Variants in SMG1 observed in about 807,000 individuals in gnomAD.
The protein encoded by SMG1 is SMG1 nonsense mediated mRNA decay associated PI3K related kinase, also known as serine/threonine-protein kinase SMG1.
In SMG1, 22 loss-of-function variants were observed where a neutral mutation model predicts 419.9. The ratio of observed to expected loss-of-function variants is 0.05; its 90% confidence interval spans 0.04 to 0.07. The LOEUF is 0.07. SMG1 is among the 10% of genes least tolerant of loss of function. The pLI is 1.00. For synonymous variants in SMG1, 1,538 were observed against 1,553.5 expected (o/e 0.99, Z 0.23); for missense variants, 3,185 against 4,342.0 (o/e 0.73, Z 7.49).
At position 18,866,641 on chromosome 16, in the gene SMG1, C is replaced by G. The variant is rs765540525; in HGVS notation, c.3330G>C (p.Val1110=). Residue 1110 remains valine (V), a synonymous_variant, in exon 23 of 63, where the codon GTG becomes GTC. Transcript: ENST00000446231. ...CCTACCTCCCTTCAGCCTGTTGAGC[C>G]ACTGAGTTAATCCACAGAAGATTTT... ...VGKNLLWINS[V]AQQAEGRFEK... 6.3e-7 allele frequency: 1 copy of G among 1,593,574 alleles called. No homozygotes were observed. Among genetic ancestry groups the G allele is most frequent in the Admixed American group, 1.7e-5 (1 of 59,996 alleles).
chr16:18,859,252 A>T, intron 27 of SMG1, 71 bp from the exon 28 acceptor site: 1 of 1,204,690 alleles, frequency 8.3e-7, no homozygotes, highest in South Asian at 1.4e-5. Flanking sequence ...AAAGCAATTG[A>T]TAAGATGCTA....
intron 33 of SMG1, 99 bp downstream of exon 33, chr16:18,851,967 GT>G (rs2034628538): frequency 8.2e-7 from 1 of 1,223,912 alleles, no homozygotes; most frequent in Non-Finnish European, 1.1e-6. Context: ...ACAACAATTG[GT>G]AAGCCCCATT....
chr16:18,848,993 C>G (rs2034428015), intron 36 of SMG1, among the ~76,000 whole-genome samples: 1 of 136,924 alleles, frequency 7.3e-6, no homozygotes, highest in African/African-American at 2.8e-5. Flanking sequence ...CTGCTTAAAC[C>G]TGGGAGGCAG....
chr16:18,856,955 T>C (rs2034949421), intron 29 of SMG1: 1 of 152,044 alleles, frequency 6.6e-6, no homozygotes, highest in African/African-American at 2.4e-5. Flanking sequence ...GACTTTTATA[T>C]ACCTTGTCTC....
chr16:18,873,324 T>G (rs2035926403), intron 13 of SMG1, among the ~76,000 whole-genome samples: 2 of 152,090 alleles, frequency 1.3e-5, no homozygotes, highest in African/African-American at 4.8e-5. Flanking sequence ...GTTCAAGCAA[T>G]TCTCCCTGCC....
At chr16:18,912,746 T>C (rs1288840219) in intron 1 of SMG1, among the ~76,000 whole-genome samples, 3 of 152,134 alleles carry the variant, frequency 2.0e-5, no homozygotes, top group Admixed American at 2.0e-4. Flanking sequence ...CCTATCAATA[T>C]TTCAAATAAT....
At chr16:18,875,426 A>G (rs542801750) in intron 13 of SMG1, 24 of 152,554 alleles carry the variant, frequency 1.6e-4, no homozygotes, top group African/African-American at 5.3e-4. Flanking sequence ...ACCCATCTCT[A>G]CTAAATACAA....
chr16:18,832,944 C>A lies in SMG1; in HGVS notation c.8788G>T (p.Ala2930Ser), dbSNP rs1297095632. The change falls in exon 51 of 63, where the codon GCC becomes TCC. Residue 2930 changes from alanine (A) to serine (S), a missense_variant. Physicochemically the swap from Ala to Ser is moderately conservative, Grantham distance 99. Coordinates refer to ENST00000446231, the MANE Select transcript of SMG1 (RefSeq NM_015092.5). The stretch of plus-strand genomic sequence containing the variant: ...GCACAGCCAGCATTCACTTGCCTGG[C>A]AACATCGATGTAATGAGCATGTGTT... ...EETHAHYIDV[A>S]RLLHAQYGEL... 6.2e-7 allele frequency: 1 copy of A among 1,613,702 alleles called. No individual in the cohort carries two copies. The highest frequency in any genetic ancestry group is 8.5e-7 in the Non-Finnish European group (1 of 1,179,660).
chr16:18,836,018 T>C lies in SMG1; in HGVS notation c.7972A>G (p.Lys2658Glu). 1 of 1,571,766 alleles carries C rather than the reference T, an allele frequency of 6.4e-7. No homozygotes were observed. Among genetic ancestry groups the C allele is most frequent in the South Asian group, 1.2e-5 (1 of 85,430 alleles). Residue 2658 changes from lysine to glutamate, a missense_variant, in exon 48 of 63, where the codon AAA (lysine) becomes GAA (glutamate). Around this residue, in one of 27 missense-constraint regions of SMG1, gnomAD observed 412 missense variants for 546.6 expected, o/e 0.75. Transcript: ENST00000446231. ...GTCTTCCACTGTTCAATTCGATGTT[T>C]CTGAAATATGGCCTTCGGATACTGC... ...ALQYPKAIFQKHRIEQWKTWM... is the reference protein window; with the variant it reads ...ALQYPKAIFQEHRIEQWKTWM...
At chr16:18,909,559 C>T (rs8044494) in intron 1 of SMG1, among the ~76,000 whole-genome samples, 74,719 of 151,662 alleles carry the variant, frequency 0.49, 18,786 homozygotes, top group Middle Eastern at 0.59. Context: ...CCACACAACA[C>T]AGCAAGACCT....
Position 18,850,517 on chromosome 16 carries a change from G to T in SMG1, c.5053-50C>A, listed in dbSNP as rs576103486. Reference sequence around the variant, plus strand: ...GCTATTTTAAATACAAACTGAAAAGGGAAAAAGGTATGTAATTTGACTATC... The same window carrying T: ...GCTATTTTAAATACAAACTGAAAAGTGAAAAAGGTATGTAATTTGACTATC... On this transcript the variant is annotated intron_variant, in intron 33 of 62. Transcript: ENST00000446231. 1.0e-5 allele frequency: 13 copies of T among 1,291,886 alleles called. No individual in the cohort carries two copies. The South Asian group carries it at 1.3e-4, about 13-fold the overall frequency. The allele number at this position is 1,291,886 out of a possible 1,614,324, so 80.0% of individuals were successfully genotyped here. A position where few individuals can be genotyped will look rare whatever the true frequency, so the allele number is the denominator to read the frequency against.
At position 18,887,944 on chromosome 16, in the gene SMG1, T is replaced by C. The variant is rs566521948; in HGVS notation, c.822+1428A>G. ...ACTTTGGGAGGCCGAGGCAGGAGGA[T>C]CACTTGAGGTCAGGAGTTCAAGACC... is the stretch of plus-strand genomic sequence containing the variant. On this transcript the variant is annotated intron_variant, in intron 6 of 62. Transcript: ENST00000446231. Among the ~76,000 whole-genome samples the C allele has an allele frequency of 7.3e-5, 11 of 151,334 alleles. No individual in the cohort carries two copies. The South Asian group carries it at 2.3e-3, about 32-fold the overall frequency.
At chr16:18,869,532 G>T (rs891603805) in intron 19 of SMG1, among the ~76,000 whole-genome samples, 1 of 152,060 alleles carries the variant, frequency 6.6e-6, no homozygotes, top group Non-Finnish European at 1.5e-5. Flanking sequence ...GCTTATGCCA[G>T]TCAGGAATGA....
intron 15 of SMG1, 98 bp from the exon 16 acceptor site, chr16:18,871,580 TTCAAACATC>T: frequency 2.0e-6 from 1 of 489,748 alleles, no homozygotes; most frequent in Non-Finnish European, 3.6e-6. Flanking sequence ...CTCTTGGTTT[TTCAAACATC>T]TCAAACAATA....
chr16:18,906,443 A>C (rs1302165508), intron 1 of SMG1, among the ~76,000 whole-genome samples: 1 of 152,032 alleles, frequency 6.6e-6, no homozygotes, highest in Non-Finnish European at 1.5e-5. Flanking sequence ...AGACTGCACC[A>C]CTGCAATCCA....
rs1231749788 is a variant in SMG1, at chr16:18,836,027, T to C, written c.7963A>G (p.Ile2655Val). ...ATVALQYPKAIFQKHRIEQWK... is the reference protein window; with the variant it reads ...ATVALQYPKAVFQKHRIEQWK... ...TGTTCAATTCGATGTTTCTGAAATATGGCCTTCGGATACTGCAGGGCCACG... is the reference window on the plus strand; with the variant it reads ...TGTTCAATTCGATGTTTCTGAAATACGGCCTTCGGATACTGCAGGGCCACG... Residue 2655 changes from isoleucine (I) to valine (V), a missense_variant, in exon 48 of 63, where the codon ATA becomes GTA. Ile to Val is a conservative substitution (Grantham distance 29). This residue lies in a region of SMG1 where 412 missense variants were observed against 546.6 expected (regional missense o/e 0.75). Coordinates refer to ENST00000446231, the MANE Select transcript of SMG1 (RefSeq NM_015092.5). The C allele has an allele frequency of 2.5e-6, 4 of 1,579,688 alleles. No homozygotes were observed. The highest frequency in any genetic ancestry group is 2.3e-5 in the South Asian group (2 of 86,162).
intron 28 of SMG1, 48 bp downstream of exon 28, chr16:18,858,974 T>A (rs1424426753): frequency 9.6e-7 from 1 of 1,044,912 alleles, no homozygotes; most frequent in South Asian, 1.6e-5. Flanking sequence ...TGTTCTACAG[T>A]AATGACCATT....
At chr16:18,822,467 T>C (rs62046308) in intron 55 of SMG1, among the ~76,000 whole-genome samples, 54 of 37,192 alleles carry the variant, frequency 1.5e-3, no homozygotes, top group Non-Finnish European at 2.2e-3. Flanking sequence ...TTCAGCTTTC[T>C]ACATATGGCT....
chr16:18,835,035 T>C lies in SMG1; in HGVS notation c.8187A>G (p.Lys2729=). The change falls in exon 49 of 63, where the codon AAA becomes AAG. Residue 2729 remains lysine (K), a synonymous_variant. Coordinates refer to ENST00000446231, the MANE Select transcript of SMG1 (RefSeq NM_015092.5). ...SRLIRQVERL[K]QEAVTVPVCE... is the part of the protein sequence containing the mutation. ...AAACTGGCACAGTGACAGCTTCCTG[T>C]TTCAAGCGTTCCACTTGTCTAATAA... The C allele has an allele frequency of 6.2e-7, 1 of 1,614,008 alleles. No homozygotes were observed. Among genetic ancestry groups the C allele is most frequent in the Non-Finnish European group, 8.5e-7 (1 of 1,179,894 alleles).
Sources: allele counts gnomAD v4.1 joint callset (sites outside exome capture counted in the v4.1 genomes callset), GRCh38; gene constraint gnomAD v4.1.1; regional missense constraint gnomAD v4.1.1; transcripts MANE v1.5; gene names NCBI Gene and HGNC (gene_info 2026-07-23, HGNC 2026-07-21).